Variants in RBFOX1 observed in about 807,000 individuals in gnomAD.
RBFOX1 encodes the protein RNA binding protein fox-1 homolog 1.
Under a neutral mutation model 57.7 loss-of-function variants are expected in RBFOX1, and 8 were observed. The observed-to-expected ratio is 0.14, with a 90% CI of 0.08 to 0.25. The LOEUF (loss-of-function observed/expected upper bound fraction) is 0.25. Among genes scored for constraint, RBFOX1 ranks in the 10% least tolerant of loss-of-function variants. The probability of loss-of-function intolerance (pLI) is 1.00; values close to 1 mark genes in which losing one functional copy is unlikely to be tolerated. For synonymous variants in RBFOX1, 326 were observed against 222.4 expected (o/e 1.47, Z -4.15); for missense variants, 611 against 548.5 (o/e 1.11, Z -1.14).
At chr16:5,714,526 G>A (rs977947349) in intron 3 of RBFOX1, among the ~76,000 whole-genome samples, 5 of 152,156 alleles carry the variant, frequency 3.3e-5, no homozygotes, top group African/African-American at 1.2e-4. Flanking sequence ...GGCCAACCTG[G>A]GTGGGACCTT....
At chr16:6,416,978 C>T (rs1400527307) in intron 2 of RBFOX1, among the ~76,000 whole-genome samples, 2 of 152,158 alleles carry the variant, frequency 1.3e-5, no homozygotes, top group East Asian at 3.9e-4. Flanking sequence ...TGGGATCATT[C>T]CTTACCTTAA....
At chr16:5,488,776 A>T (rs1195721659) in intron 2 of RBFOX1, among the ~76,000 whole-genome samples, 1 of 145,040 alleles carries the variant, frequency 6.9e-6, no homozygotes, top group East Asian at 2.1e-4. Context: ...GATGATGATT[A>T]TGGGAGATGA....
intron 1 of RBFOX1, among the ~76,000 whole-genome samples, chr16:6,178,750 G>A (rs973022721): frequency 6.6e-6 from 1 of 152,124 alleles, no homozygotes. Flanking sequence ...GTCATGGCTG[G>A]ATTAAAATAT....
intron 2 of RBFOX1, among the ~76,000 whole-genome samples, chr16:6,562,780 G>C (rs886140134): frequency 2.0e-5 from 3 of 150,864 alleles, no homozygotes; most frequent in African/African-American, 7.3e-5. Flanking sequence ...AATTGAGAAA[G>C]CTGCTATATT....
intron 4 of RBFOX1, among the ~76,000 whole-genome samples, chr16:7,155,983 G>C (rs1299120968): frequency 6.6e-6 from 1 of 151,064 alleles, no homozygotes; most frequent in East Asian, 1.9e-4. Context: ...GTAATATACA[G>C]ATATGTTTTA....
intron 2 of RBFOX1, among the ~76,000 whole-genome samples, chr16:6,559,821 A>C (rs2153904685): frequency 6.6e-6 from 1 of 152,248 alleles, no homozygotes; most frequent in South Asian, 2.1e-4. Context: ...AAGACGACAA[A>C]CTGAAGTTGT....
intron 3 of RBFOX1, among the ~76,000 whole-genome samples, chr16:7,007,128 A>C (rs1223446750): frequency 1.3e-5 from 2 of 152,202 alleles, no homozygotes; most frequent in South Asian, 2.1e-4. Flanking sequence ...GGCTCTGGGA[A>C]GAGTCCATTT....
chr16:5,856,185 CTCTATATATA>C, intron 3 of RBFOX1, among the ~76,000 whole-genome samples: 1 of 39,884 alleles, frequency 2.5e-5, no homozygotes, highest in South Asian at 8.9e-4. Flanking sequence ...CTCTCTCTCT[CTCTATATATA>C]TATATATATA....
intron 2 of RBFOX1, among the ~76,000 whole-genome samples, chr16:6,527,276 C>G (rs950337169): frequency 6.6e-6 from 1 of 152,036 alleles, no homozygotes; most frequent in Non-Finnish European, 1.5e-5. Flanking sequence ...TTTGTATTGT[C>G]TGTATATTTT....
intron 3 of RBFOX1, among the ~76,000 whole-genome samples, chr16:5,681,843 G>C (rs1407164943): frequency 6.6e-6 from 1 of 152,156 alleles, no homozygotes; most frequent in Non-Finnish European, 1.5e-5. Context: ...GAGTGGGGGA[G>C]GGAGAGAGAG....
intron 5 of RBFOX1, among the ~76,000 whole-genome samples, chr16:7,551,805 C>T (rs2152554703): frequency 6.6e-6 from 1 of 152,322 alleles, no homozygotes; most frequent in African/African-American, 2.4e-5. Flanking sequence ...ACACCACAGA[C>T]ATTGGCGGTG....
At chr16:7,466,594 A>G (rs892773009) in intron 4 of RBFOX1, among the ~76,000 whole-genome samples, 4 of 152,192 alleles carry the variant, frequency 2.6e-5, no homozygotes, top group African/African-American at 4.8e-5. Flanking sequence ...AGGAAATGTC[A>G]TTGATCTGGA....
intron 4 of RBFOX1, chr16:7,431,144 T>C (rs1265668293): frequency 1.3e-5 from 2 of 152,192 alleles, no homozygotes; most frequent in Non-Finnish European, 2.9e-5. Flanking sequence ...TGCACTGTGC[T>C]AGTGTTTTGC....
intron 3 of RBFOX1, among the ~76,000 whole-genome samples, chr16:6,801,293 C>T (rs1376089565): frequency 6.6e-6 from 1 of 151,098 alleles, no homozygotes; most frequent in African/African-American, 2.4e-5. Flanking sequence ...TCCTTTAGAA[C>T]ATATAAATGG....
intron 4 of RBFOX1, among the ~76,000 whole-genome samples, chr16:5,942,138 G>C (rs575476117): frequency 1.1e-3 from 169 of 152,220 alleles, no homozygotes; most frequent in African/African-American, 3.0e-3. Context: ...TATCTAGACA[G>C]GGGGAGTGCA....
intron 4 of RBFOX1, among the ~76,000 whole-genome samples, chr16:7,136,673 TC>T (rs1374997238): frequency 1.3e-5 from 2 of 152,108 alleles, no homozygotes; most frequent in Non-Finnish European, 2.9e-5. Context: ...TGCCTTGGCC[TC>T]CCAAAGTGTT....
chr16:5,832,304 A>C (rs1334472243), intron 3 of RBFOX1, among the ~76,000 whole-genome samples: 1 of 152,220 alleles, frequency 6.6e-6, no homozygotes, highest in Admixed American at 6.5e-5. Context: ...TCCAAACCTT[A>C]CTGGCTAATG....
intron 2 of RBFOX1, among the ~76,000 whole-genome samples, chr16:5,483,176 T>C (rs539292664): frequency 1.4e-4 from 22 of 152,200 alleles, no homozygotes; most frequent in African/African-American, 4.3e-4. Flanking sequence ...ATCCTCGGAG[T>C]CCAGAGTCCT....
chr16:6,303,383 C>T (rs1341223358), intron 1 of RBFOX1, among the ~76,000 whole-genome samples: 1 of 151,462 alleles, frequency 6.6e-6, no homozygotes, highest in Non-Finnish European at 1.5e-5. Context: ...GGATGGCTTT[C>T]TTTATGGTGT....
Sources: gnomAD v4.1 joint callset for allele counts (sites outside exome capture counted in the v4.1 genomes callset) on GRCh38, gnomAD v4.1.1 for gene constraint, MANE v1.5 for transcripts, NCBI Gene and HGNC (gene_info 2026-07-23, HGNC 2026-07-21) for gene names.